The following SYN3 variants were observed in gnomAD, a reference collection of about 807,000 sequenced individuals.
SYN3 encodes synapsin-3.
A neutral mutation model predicts 65.8 loss-of-function variants in SYN3; 35 were observed. The observed-to-expected ratio is 0.53, with a 90% CI of 0.41 to 0.70. The LOEUF is 0.70. Among genes scored for constraint, SYN3 ranks in the 30% least tolerant of loss-of-function variants. The pLI, the probability that SYN3 is intolerant of heterozygous loss-of-function variation, is 0.00. For synonymous variants in SYN3, 270 were observed against 292.9 expected (o/e 0.92, Z 0.80); for missense variants, 680 against 749.0 (o/e 0.91, Z 1.08).
At chr22:33,007,069 AG>A (rs2145802414) in intron 1 of SYN3, among the ~76,000 whole-genome samples, 1 of 152,344 alleles carries the variant, frequency 6.6e-6, no homozygotes, top group South Asian at 2.1e-4. Context: ...TGTTAATCAC[AG>A]GTTATTTACA....
At chr22:32,678,882 G>A (rs1341918300) in intron 6 of SYN3, among the ~76,000 whole-genome samples, 1 of 151,902 alleles carries the variant, frequency 6.6e-6, no homozygotes, top group African/African-American at 2.4e-5. Flanking sequence ...CTCATATAAG[G>A]GGAATCATGT....
At chr22:32,731,314 TG>T (rs2147341222) in intron 6 of SYN3, among the ~76,000 whole-genome samples, 1 of 152,246 alleles carries the variant, frequency 6.6e-6, no homozygotes, top group Admixed American at 6.5e-5. Flanking sequence ...TCAGGACACT[TG>T]GGGGTTGGGG....
intron 1 of SYN3, among the ~76,000 whole-genome samples, chr22:33,023,401 C>T (rs1474226165): frequency 1.3e-5 from 2 of 152,222 alleles, no homozygotes; most frequent in African/African-American, 4.8e-5. Flanking sequence ...AAAGACATGC[C>T]TTTGCTCTTC....
At chr22:32,699,116 T>TCTC (rs2060777281) in intron 6 of SYN3, among the ~76,000 whole-genome samples, 1 of 152,180 alleles carries the variant, frequency 6.6e-6, no homozygotes, top group South Asian at 2.1e-4. Context: ...TGGCCCAGGG[T>TCTC]CTCCAGTGGC....
chr22:32,657,123 T>C (rs1467209132), intron 6 of SYN3, among the ~76,000 whole-genome samples: 1 of 146,082 alleles, frequency 6.8e-6, no homozygotes, highest in Admixed American at 6.8e-5. Context: ...CTCACTTCTC[T>C]TTTCTTTTTT....
chr22:32,519,523 T>G (rs1315402655), intron 12 of SYN3: 1 of 152,182 alleles, frequency 6.6e-6, no homozygotes, highest in Non-Finnish European at 1.5e-5. Context: ...GTTTCCCAGT[T>G]GGAAGAGGAG....
chr22:32,655,154 C>T (rs1355972697), intron 6 of SYN3, among the ~76,000 whole-genome samples: 1 of 152,196 alleles, frequency 6.6e-6, no homozygotes, highest in Non-Finnish European at 1.5e-5. Flanking sequence ...CTTGGCTCTT[C>T]CATGTCTCAT....
chr22:33,044,990 G>A (rs1476189747), intron 1 of SYN3, among the ~76,000 whole-genome samples: 1 of 151,906 alleles, frequency 6.6e-6, no homozygotes, highest in Non-Finnish European at 1.5e-5. Flanking sequence ...TTACAGGCAT[G>A]TGCCACCACA....
intron 6 of SYN3, among the ~76,000 whole-genome samples, chr22:32,651,104 A>G (rs2146950236): frequency 6.6e-6 from 1 of 152,294 alleles, no homozygotes; most frequent in South Asian, 2.1e-4. Context: ...TAGAGATGGA[A>G]GAGCACAGAA....
At chr22:32,772,594 T>C (rs2045803695) in intron 6 of SYN3, among the ~76,000 whole-genome samples, 1 of 152,162 alleles carries the variant, frequency 6.6e-6, no homozygotes, top group Non-Finnish European at 1.5e-5. Flanking sequence ...CAGATGTGAT[T>C]ATGTTAAGAA....
At chr22:33,023,199 G>A (rs1332512667) in intron 1 of SYN3, among the ~76,000 whole-genome samples, 3 of 152,134 alleles carry the variant, frequency 2.0e-5, no homozygotes, top group Non-Finnish European at 2.9e-5. Flanking sequence ...GTTTGGCTCC[G>A]TGTCCCGACC....
intron 7 of SYN3, among the ~76,000 whole-genome samples, chr22:32,569,041 A>T (rs1302239386): frequency 2.0e-5 from 3 of 152,188 alleles, no homozygotes; most frequent in African/African-American, 7.2e-5. Flanking sequence ...CAATGCAAGT[A>T]TATAGATGAC....
At chr22:32,702,234 T>C (rs1420956159) in intron 6 of SYN3, among the ~76,000 whole-genome samples, 1 of 152,238 alleles carries the variant, frequency 6.6e-6, no homozygotes, top group Non-Finnish European at 1.5e-5. Context: ...TCCCAGCACT[T>C]TGGGAGGCTG....
At chr22:32,747,165 A>C (rs1003841924) in intron 6 of SYN3, among the ~76,000 whole-genome samples, 1 of 152,222 alleles carries the variant, frequency 6.6e-6, no homozygotes, top group South Asian at 2.1e-4. Flanking sequence ...TAAGTAGAGC[A>C]GTTCAATAGC....
intron 7 of SYN3, among the ~76,000 whole-genome samples, chr22:32,586,026 GTA>G (rs1569065393): frequency 7.6e-6 from 1 of 131,552 alleles, no homozygotes; most frequent in African/African-American, 3.1e-5. Context: ...ATATATGTAT[GTA>G]TGTATATATG....
intron 2 of SYN3, among the ~76,000 whole-genome samples, chr22:32,985,597 C>T (rs1231284166): frequency 6.6e-6 from 1 of 152,158 alleles, no homozygotes; most frequent in Non-Finnish European, 1.5e-5. Context: ...TCTGGGTACC[C>T]AAACTCTAGA....
At chr22:32,874,438 C>T (rs574561698) in intron 4 of SYN3, among the ~76,000 whole-genome samples, 14 of 152,300 alleles carry the variant, frequency 9.2e-5, no homozygotes, top group African/African-American at 1.9e-4. Context: ...AAAGATGGGA[C>T]AGGTGACGTG....
chr22:33,050,479 C>CAAAAA (rs58653594), intron 1 of SYN3, among the ~76,000 whole-genome samples: 22 of 108,438 alleles, frequency 2.0e-4, no homozygotes, highest in Non-Finnish European at 2.4e-4. Context: ...GAGACTGTTT[C>CAAAAA]AAAAAAAAAA....
rs571256832 is a variant in SYN3, at chr22:32,577,156, G to A, written c.774+19518C>T. 2.5e-3 allele frequency among the ~76,000 whole-genome samples: 384 copies of A among 152,256 alleles called. 2 individuals are homozygous for A. Among genetic ancestry groups the A allele is most frequent in the African/African-American group, 7.4e-3 (308 of 41,554 alleles). ...AATTTACAAGCTTCCCGGGTGCTTC[G>A]AATGCACTGCCAGGGTTAAGCATCG... On this transcript the variant is annotated intron_variant, in intron 7 of 13. Coordinates refer to ENST00000358763, the MANE Select transcript of SYN3 (RefSeq NM_003490.4).
Sources: gnomAD v4.1 joint callset for allele counts (sites outside exome capture counted in the v4.1 genomes callset) on GRCh38, gnomAD v4.1.1 for gene constraint, MANE v1.5 for transcripts, NCBI Gene and HGNC (gene_info 2026-07-23, HGNC 2026-07-21) for gene names.